TMX2: variants seen among roughly 807,000 people sequenced by gnomAD.
TMX2 encodes thioredoxin-related transmembrane protein 2.
Under a neutral mutation model 33.4 loss-of-function variants are expected in TMX2, and 20 were observed. That is an observed-to-expected ratio of 0.60 (90% CI 0.42 to 0.87). The LOEUF (loss-of-function observed/expected upper bound fraction) is 0.87. TMX2 is among the 40% of genes least tolerant of loss of function. The pLI, the probability that TMX2 is intolerant of heterozygous loss-of-function variation, is 0.00. For synonymous variants in TMX2, 166 were observed against 140.7 expected (o/e 1.18, Z -1.27); for missense variants, 340 against 370.7 (o/e 0.92, Z 0.68).
chr11:57,716,024 TC>T lies in TMX2; in HGVS notation c.189+3221del, dbSNP rs955919268. ...GCAACCATCCGATTTTTCAATCTTT[TC>T]CCCACCTTTCCCCCCTTTCTATTCC... On this transcript the variant is annotated intron_variant, in intron 1 of 7. Transcript: ENST00000278422. Among the ~76,000 whole-genome samples the T allele has an allele frequency of 3.0e-4, 45 of 152,296 alleles. 1 individual carries two copies. The East Asian group carries it at 6.0e-3, about 20-fold the overall frequency.
chr11:57,724,965 G>C (rs750564072), intron 1 of TMX2, among the ~76,000 whole-genome samples: 1 of 151,768 alleles, frequency 6.6e-6, no homozygotes, highest in Non-Finnish European at 1.5e-5. Context: ...TTTGAACTCG[G>C]GTGGCAGAGG....
At chr11:57,723,540 C>A (rs553628316) in intron 1 of TMX2, among the ~76,000 whole-genome samples, 12 of 150,396 alleles carry the variant, frequency 8.0e-5, no homozygotes, top group Non-Finnish European at 1.3e-4. Flanking sequence ...AAGTGGCTCA[C>A]GCCTGTAATC....
At chr11:57,736,858 C>T (rs1047512070) in intron 1 of TMX2, among the ~76,000 whole-genome samples, 1 of 150,414 alleles carries the variant, frequency 6.6e-6, no homozygotes, top group Non-Finnish European at 1.5e-5. Context: ...TGCACTCTAG[C>T]CTGGGCGATG....
chr11:57,718,062 A>G (rs1947299998), intron 1 of TMX2: 8 of 1,230,502 alleles, frequency 6.5e-6, no homozygotes, highest in Admixed American at 5.0e-5. Context: ...ACAGTCAGCA[A>G]TGGTGATCTT....
chr11:57,717,717 G>GAGGGAGA (rs763767041), intron 1 of TMX2, among the ~76,000 whole-genome samples: 35,754 of 53,668 alleles, frequency 0.67, 13,823 homozygotes, highest in African/African-American at 0.83. Context: ...GGGAGACCGA[G>GAGGGAGA]AGGGAGAGGG....
intron 1 of TMX2, among the ~76,000 whole-genome samples, chr11:57,721,459 G>C (rs1007485299): frequency 2.0e-5 from 3 of 150,550 alleles, no homozygotes; most frequent in Non-Finnish European, 4.4e-5. Flanking sequence ...TGGGATTACA[G>C]GCATGTGCCA....
intron 1 of TMX2, among the ~76,000 whole-genome samples, chr11:57,723,231 G>C (rs1947751614): frequency 6.6e-6 from 1 of 152,214 alleles, no homozygotes; most frequent in Non-Finnish European, 1.5e-5. Context: ...TGTAATCCCA[G>C]CACTTTGGGA....
intron 6 of TMX2, 41 bp from the exon 7 acceptor site, chr11:57,739,090 A>T (rs766354656): frequency 1.2e-6 from 2 of 1,614,014 alleles, no homozygotes; most frequent in Non-Finnish European, 1.7e-6. Context: ...ACTTTGAGTG[A>T]TACATACAGG....
chr11:57,717,855 C>CAT (rs1478106275), intron 1 of TMX2, among the ~76,000 whole-genome samples: 1 of 151,738 alleles, frequency 6.6e-6, no homozygotes, highest in Non-Finnish European at 1.5e-5. Context: ...ATTTCATAAT[C>CAT]ATAAACTTAA....
chr11:57,738,480 T>G (rs1565234986), intron 4 of TMX2, 50 bp downstream of exon 4: 1 of 1,441,404 alleles, frequency 6.9e-7, no homozygotes, highest in East Asian at 2.3e-5. Flanking sequence ...TGGGTGATTT[T>G]GTAGTTGTGC....
At chr11:57,738,638 T>C in intron 4 of TMX2, 26 bp from the exon 5 acceptor site, 1 of 1,597,138 alleles carries the variant, frequency 6.3e-7, no homozygotes, top group Non-Finnish European at 8.6e-7. Flanking sequence ...TGGATCCAGC[T>C]GACTTTTCTT....
chr11:57,719,989 C>CA (rs367911585), intron 1 of TMX2, among the ~76,000 whole-genome samples: 2 of 151,360 alleles, frequency 1.3e-5, no homozygotes, highest in Admixed American at 6.6e-5. Flanking sequence ...TTGAGGAAGA[C>CA]AAAAAAAAGG....
chr11:57,734,615 G>T (rs912793219), intron 1 of TMX2, among the ~76,000 whole-genome samples: 3 of 151,946 alleles, frequency 2.0e-5, no homozygotes, highest in African/African-American at 7.2e-5. Context: ...GGGCGTGGGG[G>T]CAGGTGCCTG....
chr11:57,740,344 G>A lies in TMX2; in HGVS notation c.*99G>A. 2 of 1,384,234 alleles carry A rather than the reference G, an allele frequency of 1.4e-6. No individual in the cohort carries two copies. Among genetic ancestry groups the A allele is most frequent in the Non-Finnish European group, 1.9e-6 (2 of 1,048,476 alleles). The allele number at this position is 1,384,234 out of a possible 1,614,324, so 85.7% of individuals were successfully genotyped here. ...GCCTTTTATTTATGTTTTCCCTTTG[G>A]CTGTGACTGGGTGGGGCAGCATGCA... On this transcript the variant is annotated 3_prime_UTR_variant, in exon 8 of 8. Transcript: ENST00000278422.
At chr11:57,716,799 G>A (rs1224708093) in intron 1 of TMX2, among the ~76,000 whole-genome samples, 1 of 132,596 alleles carries the variant, frequency 7.5e-6, no homozygotes, top group African/African-American at 2.9e-5. Context: ...GGGCAGAGGC[G>A]CCCCTCACCT....
Position 57,716,398 on chromosome 11 carries a change from C to T in TMX2, c.189+3591C>T, listed in dbSNP as rs1429069791. Among the ~76,000 whole-genome samples the T allele has an allele frequency of 5.7e-4, 60 of 105,990 alleles. 1 individual carries two copies. Among genetic ancestry groups the T allele is most frequent in the Non-Finnish European group, 7.6e-4 (37 of 48,614 alleles). 69.5% of individuals were successfully genotyped at this position (105,990 alleles called of 152,430 possible). A position where few individuals can be genotyped will look rare whatever the true frequency, so the allele number is the denominator to read the frequency against. On this transcript the variant is annotated intron_variant, in intron 1 of 7. Coordinates refer to ENST00000278422, the MANE Select transcript of TMX2 (RefSeq NM_015959.4). ...GCGGCTGGCCGGGCGAGGGGCTGACCCCCCCACCTCCCTCCCGGACGGGGC... is the reference window on the plus strand; with the variant it reads ...GCGGCTGGCCGGGCGAGGGGCTGACTCCCCCACCTCCCTCCCGGACGGGGC...
rs1424864529 is a variant in TMX2, at chr11:57,738,744, C to T, written c.522C>T (p.Ala174=). ...GGTCTAATGACTGCCAATCATTTGC[C>T]CCTATCTATGCTGACCTCTCCCTTA... ...ANWSNDCQSF[A]PIYADLSLKY... is the part of the protein sequence containing the mutation. The change falls in exon 5 of 8, where the codon GCC becomes GCT. Residue 174 remains alanine (A), a synonymous_variant. Transcript: ENST00000278422. 4.0e-5 allele frequency: 64 copies of T among 1,613,896 alleles called. No homozygotes were observed. Among genetic ancestry groups the T allele is most frequent in the Non-Finnish European group, 5.4e-5 (64 of 1,179,952 alleles).
At chr11:57,734,113 C>T (rs540733140) in intron 1 of TMX2, among the ~76,000 whole-genome samples, 26 of 139,254 alleles carry the variant, frequency 1.9e-4, no homozygotes, top group South Asian at 1.4e-3. Flanking sequence ...CGGAGGAGAC[C>T]GCGCCACTGT....
intron 1 of TMX2, chr11:57,718,053 C>T (rs1947299665): frequency 8.3e-7 from 1 of 1,206,798 alleles, no homozygotes; most frequent in Non-Finnish European, 1.2e-6. Context: ...GACTTATCCA[C>T]AGTCAGCAAT....
Sources: allele counts gnomAD v4.1 joint callset (sites outside exome capture counted in the v4.1 genomes callset), GRCh38; gene constraint gnomAD v4.1.1; transcripts MANE v1.5; gene names NCBI Gene and HGNC (gene_info 2026-07-23, HGNC 2026-07-21).